SPICE1: variants seen among roughly 807,000 people sequenced by gnomAD.
The protein encoded by SPICE1 is spindle and centriole associated protein 1.
Under a neutral mutation model 102.7 loss-of-function variants are expected in SPICE1, and 75 were observed. That is an observed-to-expected ratio of 0.73 (90% CI 0.61 to 0.88). The LOEUF (loss-of-function observed/expected upper bound fraction) is 0.88. SPICE1 is among the 40% of genes least tolerant of loss of function. The pLI is 0.00. For synonymous variants in SPICE1, 308 were observed against 350.3 expected, an observed-to-expected ratio of 0.88 and a Z score of 1.35; for missense variants, 979 against 1,020.1, an observed-to-expected ratio of 0.96 and a Z score of 0.55.
chr3:113,478,217 G>T (rs1443285331), intron 7 of SPICE1, among the ~76,000 whole-genome samples: 1 of 152,044 alleles, frequency 6.6e-6, no homozygotes, highest in East Asian at 1.9e-4. Context: ...AAACATATCA[G>T]TAAGTGTTAT....
intron 7 of SPICE1, among the ~76,000 whole-genome samples, chr3:113,487,743 C>T (rs11917288): frequency 0.043 from 6,548 of 152,198 alleles, 170 homozygotes; most frequent in East Asian, 0.1. Flanking sequence ...ATTGAAGGAA[C>T]GTGGCAGACA....
intron 7 of SPICE1, among the ~76,000 whole-genome samples, chr3:113,473,829 A>T (rs980994278): frequency 5.9e-5 from 9 of 152,114 alleles, no homozygotes; most frequent in African/African-American, 1.7e-4. Context: ...CCGCTGCAAA[A>T]TCATGCCAAA....
In SPICE1 at chr3:113,503,190, G is replaced by A. The variant is rs1182746986; in HGVS notation, c.137C>T (p.Pro46Leu). 6.2e-7 allele frequency: 1 copy of A among 1,603,948 alleles called. No homozygotes were observed. The highest frequency in any genetic ancestry group is 1.4e-5 in the African/African-American group (1 of 74,014). ...TGATATTAAACTCACCAGATCTTCG[G>A]GAGTTGCCCGATGAACGGTTAGATC... is the stretch of plus-strand genomic sequence containing the variant. The part of the protein sequence containing the change: ...VTDLTVHRAT[P>L]EDLVRRHEIH... The change falls in exon 3 of 18, where the codon CCC becomes CTC. Residue 46 changes from proline (P) to leucine (L), a missense_variant. By Grantham distance (98) the Pro-to-Leu change is moderately conservative. Coordinates refer to ENST00000295872, the MANE Select transcript of SPICE1 (RefSeq NM_144718.4).
intron 3 of SPICE1, 72 bp from the exon 4 acceptor site, chr3:113,499,654 C>T: frequency 7.1e-7 from 1 of 1,401,856 alleles, no homozygotes; most frequent in Non-Finnish European, 9.5e-7. Context: ...ATGATGAGAT[C>T]ACCTACTCTA....
intron 1 of SPICE1, among the ~76,000 whole-genome samples, chr3:113,508,783 C>T (rs955826889): frequency 2.6e-5 from 4 of 152,112 alleles, no homozygotes; most frequent in Admixed American, 6.6e-5. Context: ...TAAAAACATA[C>T]GTCCACGTAA....
At chr3:113,451,438 C>T (rs1447889266) in intron 14 of SPICE1, among the ~76,000 whole-genome samples, 11 of 151,958 alleles carry the variant, frequency 7.2e-5, no homozygotes, top group Non-Finnish European at 4.4e-5. Flanking sequence ...TAATAAAAAT[C>T]ACTGATTTTT....
At chr3:113,479,255 T>C (rs1393509644) in intron 7 of SPICE1, among the ~76,000 whole-genome samples, 3 of 150,956 alleles carry the variant, frequency 2.0e-5, no homozygotes, top group African/African-American at 7.3e-5. Flanking sequence ...GATAGTTTAC[T>C]GAGAATGATG....
intron 12 of SPICE1, chr3:113,459,811 G>A: frequency 1.1e-6 from 1 of 907,184 alleles, no homozygotes; most frequent in Non-Finnish European, 1.3e-6. Context: ...GAAACTGGAA[G>A]GCGGAGGTTG....
intron 10 of SPICE1, 145 bp downstream of exon 10, chr3:113,467,994 C>T (rs1290609650): frequency 6.9e-6 from 7 of 1,014,338 alleles, no homozygotes; most frequent in Non-Finnish European, 9.9e-6. Context: ...TAAGCCTTTA[C>T]TGCAGATAAT....
chr3:113,513,368 G>A lies in SPICE1; in HGVS notation c.-1+1529C>T, dbSNP rs142708252. Among the ~76,000 whole-genome samples, 446 of 152,222 alleles carry A rather than the reference G, an allele frequency of 2.9e-3. 2 individuals carry two copies. Among genetic ancestry groups the A allele is most frequent in the African/African-American group, 0.01 (425 of 41,544 alleles). On this transcript the variant is annotated intron_variant, in intron 1 of 17. Transcript: ENST00000295872. ...GGAGGCTGCAGTGAGCTACGATGGC[G>A]CCCCTGCACTCCAGCCTAGGTGACA... is the stretch of plus-strand genomic sequence containing the variant.
intron 2 of SPICE1, among the ~76,000 whole-genome samples, chr3:113,503,801 C>T (rs1269011447): frequency 1.3e-5 from 2 of 151,886 alleles, no homozygotes; most frequent in African/African-American, 2.4e-5. Context: ...GACCTGGTGG[C>T]GGGCACCTGT....
At chr3:113,499,649 G>A (rs539905846) in intron 3 of SPICE1, 67 bp from the exon 4 acceptor site, 38 of 1,432,782 alleles carry the variant, frequency 2.7e-5, no homozygotes, top group Non-Finnish European at 3.4e-5. Context: ...TTCAGATGAT[G>A]AGATCACCTA....
chr3:113,492,543 T>C (rs72946750), intron 6 of SPICE1, among the ~76,000 whole-genome samples: 1,864 of 152,312 alleles, frequency 0.012, 30 homozygotes, highest in African/African-American at 0.042. Context: ...CCCATATAAC[T>C]AGTTGATACA....
At chr3:113,494,180 T>C (rs1243443841) in intron 4 of SPICE1, 38 bp from the exon 5 acceptor site, 3 of 1,381,146 alleles carry the variant, frequency 2.2e-6, no homozygotes, top group Non-Finnish European at 3.0e-6. Context: ...TTATTCAGAT[T>C]ATATTTACTT....
intron 1 of SPICE1, among the ~76,000 whole-genome samples, chr3:113,511,808 A>C (rs912129562): frequency 6.6e-6 from 1 of 152,192 alleles, no homozygotes; most frequent in Non-Finnish European, 1.5e-5. Context: ...AAAATTCAAA[A>C]AAAATGAAAA....
chr3:113,482,006 T>C (rs1024336293), intron 7 of SPICE1, among the ~76,000 whole-genome samples: 2 of 152,214 alleles, frequency 1.3e-5, no homozygotes, highest in African/African-American at 2.4e-5. Flanking sequence ...TCCACAATGG[T>C]TGAACTAATT....
rs182829547 is a variant in SPICE1 at position 113,487,150 on chromosome 3, T to C, written c.611+1795A>G. Among the ~76,000 whole-genome samples the C allele has an allele frequency of 4.6e-5, 7 of 152,252 alleles. No homozygotes were observed. The East Asian group carries it at 1.3e-3, about 29-fold the overall frequency. On this transcript the variant is annotated intron_variant, in intron 7 of 17. Coordinates refer to ENST00000295872, the MANE Select transcript of SPICE1 (RefSeq NM_144718.4). Reference sequence around the variant, plus strand: ...GAAATCTGCAAACAATCTTGAACTCTACTTAGCAGGTTTATTTTTGCAGTA... The same window carrying C: ...GAAATCTGCAAACAATCTTGAACTCCACTTAGCAGGTTTATTTTTGCAGTA...
intron 7 of SPICE1, among the ~76,000 whole-genome samples, chr3:113,475,670 C>A (rs1368261713): frequency 1.3e-5 from 2 of 151,970 alleles, no homozygotes; most frequent in Non-Finnish European, 2.9e-5. Context: ...ATAAACAGAA[C>A]CAAAGACAAA....
chr3:113,497,966 T>A (rs1361308818), intron 4 of SPICE1, among the ~76,000 whole-genome samples: 2 of 151,102 alleles, frequency 1.3e-5, no homozygotes, highest in Non-Finnish European at 2.9e-5. Context: ...AACCTCCGCC[T>A]CCCAGGTTCA....
Sources: allele counts gnomAD v4.1 joint callset (sites outside exome capture counted in the v4.1 genomes callset), GRCh38; gene constraint gnomAD v4.1.1; transcripts MANE v1.5; gene names NCBI Gene and HGNC (gene_info 2026-07-23, HGNC 2026-07-21).